MLLT10: variants seen among roughly 807,000 people sequenced by gnomAD.
MLLT10 encodes protein AF-10.
In MLLT10, 30 loss-of-function variants were observed where a neutral mutation model predicts 129.1. The ratio of observed to expected loss-of-function variants is 0.23; its 90% confidence interval spans 0.17 to 0.32. MLLT10 has a LOEUF of 0.32. MLLT10 is among the 10% of genes least tolerant of loss of function. The probability of loss-of-function intolerance (pLI) is 1.00; values close to 1 mark genes in which losing one functional copy is unlikely to be tolerated. For synonymous variants in MLLT10, 490 were observed against 446.4 expected (o/e 1.10, Z -1.23); for missense variants, 1,119 against 1,268.3 (o/e 0.88, Z 1.79).
chr10:21,580,705 C>G (rs117849434), intron 3 of MLLT10, among the ~76,000 whole-genome samples: 2,695 of 150,954 alleles, frequency 0.018, 40 homozygotes, highest in Middle Eastern at 0.031. Flanking sequence ...TGTGTATTTT[C>G]TTTTCTTTTT....
At chr10:21,557,978 C>CT (rs1003786841) in intron 3 of MLLT10, among the ~76,000 whole-genome samples, 4 of 109,866 alleles carry the variant, frequency 3.6e-5, no homozygotes, top group African/African-American at 1.4e-4. Flanking sequence ...GAGACAGAGT[C>CT]TCGCTCTTTT....
intron 13 of MLLT10, among the ~76,000 whole-genome samples, chr10:21,691,604 A>G (rs1038357854): frequency 2.0e-5 from 3 of 152,182 alleles, no homozygotes; most frequent in African/African-American, 7.2e-5. Context: ...CTGATTTTCC[A>G]CCCAGATTAG....
At chr10:21,690,985 A>C (rs1368504096) in intron 13 of MLLT10, among the ~76,000 whole-genome samples, 5 of 152,144 alleles carry the variant, frequency 3.3e-5, no homozygotes, top group Admixed American at 6.5e-5. Context: ...TCATTTAATC[A>C]TCTATGATTT....
chr10:21,733,896 G>A lies in MLLT10; in HGVS notation c.2625G>A (p.Val875=). 2.5e-6 allele frequency: 4 copies of A among 1,614,166 alleles called. No individual in the cohort carries two copies. Among genetic ancestry groups the A allele is most frequent in the Non-Finnish European group, 3.4e-6 (4 of 1,180,030 alleles). The change falls in exon 20 of 23, where the codon GTG becomes GTA. Residue 875 remains valine (V), a synonymous_variant. Transcript: ENST00000307729. ...SGVQQVNGVT[V]GALASGMQPV... ...TTCAGCAGGTCAATGGCGTGACAGT[G>A]GGGGCACTAGCTAGTGGAATGCAGC...
intron 14 of MLLT10, among the ~76,000 whole-genome samples, chr10:21,716,228 C>T (rs899161285): frequency 2.6e-5 from 4 of 152,184 alleles, no homozygotes; most frequent in African/African-American, 9.7e-5. Context: ...TTTTACAAAA[C>T]GACAAAGTTT....
chr10:21,604,538 G>T (rs549322232), intron 5 of MLLT10, among the ~76,000 whole-genome samples: 59 of 152,252 alleles, frequency 3.9e-4, no homozygotes, highest in African/African-American at 1.4e-3. Context: ...GCAGTGAGCC[G>T]AGACTGTGCC....
At chr10:21,621,631 C>T (rs999504568) in intron 8 of MLLT10, among the ~76,000 whole-genome samples, 1 of 151,380 alleles carries the variant, frequency 6.6e-6, no homozygotes, top group African/African-American at 2.4e-5. Context: ...CCCCCGCCCC[C>T]AATCCCACTG....
At position 21,594,618 on chromosome 10, in the gene MLLT10, A is replaced by C. The variant is rs527720502; in HGVS notation, c.296-713A>C. ...CCACCGCTTTCTCTGAAATAGGCAA[A>C]TGTTCCCTGGGCAAAAGTGGCCAAA... On this transcript the variant is annotated intron_variant, in intron 4 of 22. Coordinates refer to ENST00000307729, the MANE Select transcript of MLLT10 (RefSeq NM_001195626.3). 4.0e-5 allele frequency among the ~76,000 whole-genome samples: 6 copies of C among 149,882 alleles called. No individual in the cohort carries two copies. In the East Asian group the frequency reaches 1.2e-3, roughly 29 times the overall value.
chr10:21,736,328 A>C (rs2058362927), intron 21 of MLLT10, among the ~76,000 whole-genome samples: 1 of 152,248 alleles, frequency 6.6e-6, no homozygotes, highest in Non-Finnish European at 1.5e-5. Flanking sequence ...TCTGTCGCCC[A>C]GGCTGGAGTG....
At chr10:21,673,283 T>C in intron 10 of MLLT10, 67 bp from the exon 11 acceptor site, 1 of 1,022,634 alleles carries the variant, frequency 9.8e-7, no homozygotes, top group Non-Finnish European at 1.4e-6. Context: ...ATGGGAACTT[T>C]AGCATCCAAT....
chr10:21,635,454 T>C (rs1188590496), intron 8 of MLLT10, among the ~76,000 whole-genome samples: 2 of 152,172 alleles, frequency 1.3e-5, no homozygotes, highest in Admixed American at 6.5e-5. Context: ...CGCTGCAGCC[T>C]CTGCCTCCTG....
chr10:21,710,474 A>G (rs2055968746), intron 13 of MLLT10, among the ~76,000 whole-genome samples: 1 of 152,224 alleles, frequency 6.6e-6, no homozygotes, highest in Non-Finnish European at 1.5e-5. Context: ...TATTTCTATA[A>G]TAATTATGAG....
At chr10:21,733,176 TATATG>T in intron 18 of MLLT10, 89 bp downstream of exon 18, 3 of 1,279,272 alleles carry the variant, frequency 2.3e-6, no homozygotes, top group Non-Finnish European at 3.2e-6. Context: ...GGTCACCAGT[TATATG>T]AAGATGTAGA....
intron 3 of MLLT10, among the ~76,000 whole-genome samples, chr10:21,547,811 T>C (rs2036353833): frequency 6.6e-6 from 1 of 152,202 alleles, no homozygotes; most frequent in Non-Finnish European, 1.5e-5. Context: ...AGTGCTGGTA[T>C]TACAGGCGTG....
intron 5 of MLLT10, among the ~76,000 whole-genome samples, chr10:21,600,817 C>G (rs1475866937): frequency 6.6e-6 from 1 of 152,108 alleles, no homozygotes; most frequent in Non-Finnish European, 1.5e-5. Context: ...TTTGTGTGTT[C>G]TCTCTCTCCA....
chr10:21,566,038 C>T (rs2131016591), intron 3 of MLLT10, among the ~76,000 whole-genome samples: 1 of 148,928 alleles, frequency 6.7e-6, no homozygotes, highest in Admixed American at 6.7e-5. Flanking sequence ...CTGCACCCTC[C>T]ACCTAGTGGG....
intron 3 of MLLT10, among the ~76,000 whole-genome samples, chr10:21,577,947 A>G (rs1402773846): frequency 6.6e-6 from 1 of 151,866 alleles, no homozygotes; most frequent in Non-Finnish European, 1.5e-5. Flanking sequence ...AGGCTGGAGT[A>G]CAGTGGTGTG....
chr10:21,711,186 G>T (rs1193423109), intron 13 of MLLT10, among the ~76,000 whole-genome samples: 1 of 152,168 alleles, frequency 6.6e-6, no homozygotes, highest in African/African-American at 2.4e-5. Flanking sequence ...ACTTTGGGAG[G>T]CCGAGACGGG....
chr10:21,534,688 C>T lies in MLLT10; in HGVS notation c.44C>T (p.Ser15Phe). The T allele has an allele frequency of 1.2e-6, 2 of 1,612,782 alleles. No homozygotes were observed. The highest frequency in any genetic ancestry group is 2.7e-5 in the African/African-American group (2 of 74,990). Residue 15 changes from serine (S) to phenylalanine (F), a missense_variant, in exon 2 of 23, where the codon TCC (serine) becomes TTC (phenylalanine). Physicochemically the swap from Ser to Phe is radical, Grantham distance 155. This residue lies in a region of MLLT10 where 35 missense variants were observed against 26.0 expected (regional missense o/e 1.35). Transcript: ENST00000307729. ...DRPVSLEDEV[S>F]HSMKEMIGGC... ...CCCGTGTCACTGGAGGACGAGGTCT[C>T]CCATAGTATGAAGGAGATGATTGGA...
Sources: gnomAD v4.1 joint callset for allele counts (sites outside exome capture counted in the v4.1 genomes callset) on GRCh38, gnomAD v4.1.1 for gene constraint, gnomAD v4.1.1 regional missense constraint, MANE v1.5 for transcripts, NCBI Gene and HGNC (gene_info 2026-07-23, HGNC 2026-07-21) for gene names.